Variants in RGS6 observed in about 807,000 individuals in gnomAD.
RGS6 encodes the protein regulator of G protein signaling 6.
A neutral mutation model predicts 78.5 loss-of-function variants in RGS6; 30 were observed. The observed-to-expected ratio is 0.38, with a 90% CI of 0.29 to 0.52. The LOEUF is 0.52. Ranked by LOEUF, RGS6 falls within the 20% of genes least tolerant of loss-of-function variation. The pLI is 0.85. For synonymous variants in RGS6, 206 were observed against 206.0 expected, an observed-to-expected ratio of 1.00 and a Z score of 0.00; for missense variants, 495 against 609.7, an observed-to-expected ratio of 0.81 and a Z score of 1.98.
chr14:72,539,679 C>A (rs1316660768), intron 16 of RGS6, among the ~76,000 whole-genome samples: 1 of 152,202 alleles, frequency 6.6e-6, no homozygotes, highest in African/African-American at 2.4e-5. Flanking sequence ...TGCCTGTGGG[C>A]ACGGCAGGTT....
In RGS6 at chr14:72,563,078, C is replaced by G. The variant is rs532665124; in HGVS notation, c.*611C>G. On this transcript the variant is annotated 3_prime_UTR_variant, in exon 18 of 18. Transcript: ENST00000553525. ...GAAAGCAACCTCACGGATTGCCCCG[C>G]CTCAAGGTCTTTCCACCCTCTTTGA... The G allele has an allele frequency of 9.9e-5, 40 of 403,140 alleles. 1 individual carries two copies. In the South Asian group the frequency reaches 1.0e-3, roughly 10 times the overall value. 25.0% of individuals were successfully genotyped at this position (403,140 alleles called of 1,614,324 possible).
chr14:72,476,829 A>G lies in RGS6; in HGVS notation c.781A>G (p.Ile261Val). ...QPIRKTTKED[I>V]RKQITFLNAQ... ...AATCAGGAAAACAACAAAAGAGGAC[A>G]TCCGGAAACAGGTGAATGAATTGAC... The change falls in exon 11 of 18, where the codon ATC (isoleucine) becomes GTC (valine). Residue 261 changes from isoleucine to valine, a missense_variant. By Grantham distance (29) the Ile-to-Val change is conservative. Coordinates refer to ENST00000553525, the MANE Select transcript of RGS6 (RefSeq NM_001204424.2). The G allele has an allele frequency of 6.2e-7, 1 of 1,614,032 alleles. No homozygotes were observed. The highest frequency in any genetic ancestry group is 1.3e-5 in the African/African-American group (1 of 75,052).
At chr14:72,526,977 A>G (rs372664809) in intron 15 of RGS6, among the ~76,000 whole-genome samples, 5 of 152,338 alleles carry the variant, frequency 3.3e-5, no homozygotes, top group Non-Finnish European at 7.3e-5. Flanking sequence ...AGTCTCTTGA[A>G]AGGTGAGACT....
At chr14:72,548,190 C>T (rs1429377286) in intron 17 of RGS6, among the ~76,000 whole-genome samples, 4 of 152,142 alleles carry the variant, frequency 2.6e-5, no homozygotes, top group Admixed American at 2.6e-4. Flanking sequence ...GATGAAGAGA[C>T]AAACATTCCA....
At chr14:72,084,838 C>T (rs1252108110) in intron 2 of RGS6, among the ~76,000 whole-genome samples, 2 of 151,970 alleles carry the variant, frequency 1.3e-5, no homozygotes, top group Non-Finnish European at 2.9e-5. Context: ...TGCTCATGTT[C>T]CTGAAGAGCG....
intron 2 of RGS6, among the ~76,000 whole-genome samples, chr14:72,078,240 T>C (rs992366742): frequency 2.6e-5 from 4 of 152,146 alleles, no homozygotes; most frequent in Non-Finnish European, 5.9e-5. Context: ...GCACCGGCCA[T>C]GTAAGGTGAG....
chr14:72,265,614 C>G (rs182542477), intron 2 of RGS6, among the ~76,000 whole-genome samples: 1 of 152,194 alleles, frequency 6.6e-6, no homozygotes, highest in Non-Finnish European at 1.5e-5. Context: ...TAACTACTGA[C>G]GGCTACCCAA....
At chr14:72,095,227 AAGCAGAAGT>A (rs2153512027) in intron 2 of RGS6, among the ~76,000 whole-genome samples, 1 of 152,212 alleles carries the variant, frequency 6.6e-6, no homozygotes, top group South Asian at 2.1e-4. Context: ...TAGCCCTATC[AAGCAGAAGT>A]GCATTTGGCT....
At chr14:72,279,682 G>T (rs2061267825) in intron 2 of RGS6, among the ~76,000 whole-genome samples, 1 of 152,146 alleles carries the variant, frequency 6.6e-6, no homozygotes, top group South Asian at 2.1e-4. Flanking sequence ...GATCTCTGTT[G>T]ATGAAAAAGG....
chr14:72,540,699 G>A (rs2097313601), intron 17 of RGS6: 1 of 1,359,330 alleles, frequency 7.4e-7, no homozygotes, highest in African/African-American at 1.5e-5. Context: ...CATGTGCACA[G>A]TGTGATAGGG....
chr14:72,480,173 T>C (rs1727775553), intron 12 of RGS6, among the ~76,000 whole-genome samples: 1 of 152,208 alleles, frequency 6.6e-6, no homozygotes, highest in Non-Finnish European at 1.5e-5. Flanking sequence ...TGATCTGGTC[T>C]TTCAGGATCC....
At chr14:71,977,615 G>A (rs2094205238) in intron 2 of RGS6, among the ~76,000 whole-genome samples, 1 of 150,326 alleles carries the variant, frequency 6.7e-6, no homozygotes, top group East Asian at 1.9e-4. Flanking sequence ...CTGTTCCGTT[G>A]ATCTATATCT....
intron 2 of RGS6, among the ~76,000 whole-genome samples, chr14:72,210,196 C>T (rs759314390): frequency 1.3e-5 from 2 of 152,166 alleles, no homozygotes; most frequent in East Asian, 1.9e-4. Flanking sequence ...AGGATTAATC[C>T]GTTAGAGCCA....
At chr14:72,068,453 A>T (rs2094261984) in intron 2 of RGS6, among the ~76,000 whole-genome samples, 1 of 147,042 alleles carries the variant, frequency 6.8e-6, no homozygotes. Context: ...GTTCTTTTTA[A>T]TTTTTTATTC....
chr14:72,156,563 G>A (rs1290042450), intron 2 of RGS6, among the ~76,000 whole-genome samples: 1 of 152,130 alleles, frequency 6.6e-6, no homozygotes, highest in African/African-American at 2.4e-5. Flanking sequence ...GGTGGTAGCA[G>A]GAGTTTCAGG....
At chr14:72,213,623 C>T (rs1005007422) in intron 2 of RGS6, among the ~76,000 whole-genome samples, 5 of 152,172 alleles carry the variant, frequency 3.3e-5, no homozygotes, top group African/African-American at 1.2e-4. Context: ...CTTCCTGAGA[C>T]TCTCCATTGG....
chr14:71,979,906 G>A (rs1302304528), intron 2 of RGS6, among the ~76,000 whole-genome samples: 1 of 144,138 alleles, frequency 6.9e-6, no homozygotes, highest in East Asian at 2.1e-4. Flanking sequence ...AAGTCTCTTT[G>A]TAGGTCACTC....
chr14:72,129,559 C>T (rs990020270), intron 2 of RGS6, among the ~76,000 whole-genome samples: 3 of 152,178 alleles, frequency 2.0e-5, no homozygotes, highest in Admixed American at 6.5e-5. Flanking sequence ...GGACAGTTCT[C>T]CTTGACATCT....
At chr14:72,523,885 C>T (rs1432305901) in intron 15 of RGS6, among the ~76,000 whole-genome samples, 4 of 151,862 alleles carry the variant, frequency 2.6e-5, no homozygotes, top group African/African-American at 9.7e-5. Flanking sequence ...TTCTCTGTTC[C>T]CAACCATGTG....
Sources: allele counts gnomAD v4.1 joint callset (sites outside exome capture counted in the v4.1 genomes callset), GRCh38; gene constraint gnomAD v4.1.1; transcripts MANE v1.5; gene names NCBI Gene and HGNC (gene_info 2026-07-23, HGNC 2026-07-21).